Variants in HMGN5 observed in about 807,000 individuals in gnomAD.
The protein encoded by HMGN5 is high mobility group nucleosome binding domain 5, also known as high mobility group nucleosome-binding domain-containing protein 5.
In HMGN5, 4 loss-of-function variants were observed where a neutral mutation model predicts 9.5. That is an observed-to-expected ratio of 0.42 (90% CI 0.21 to 0.96). The LOEUF (loss-of-function observed/expected upper bound fraction) is 0.96, where lower values mean the gene tolerates loss of function less well. Ranked by LOEUF, HMGN5 falls within the 40% of genes least tolerant of loss-of-function variation. The pLI is 0.30. For synonymous variants in HMGN5, 55 were observed against 57.1 expected, an observed-to-expected ratio of 0.96 and a Z score of 0.16; for missense variants, 192 against 187.5, an observed-to-expected ratio of 1.02 and a Z score of -0.14.
intron 1 of HMGN5, among the ~76,000 whole-genome samples, chrX:81,183,960 G>T (rs2075470106): frequency 8.9e-6 from 1 of 111,873 alleles, no homozygotes; most frequent in Non-Finnish European, 1.9e-5. Context: ...TGTCTCAAAT[G>T]AGACTTTGAA....
chrX:81,165,676 T>C lies in HMGN5; in HGVS notation c.-124+36061A>G, dbSNP rs777207308. Among the ~76,000 whole-genome samples, 3 of 111,514 alleles carry C rather than the reference T, an allele frequency of 2.7e-5. No homozygotes were observed. The East Asian group carries it at 8.5e-4, about 32-fold the overall frequency. ...AGCTTGAGAAGGAAGATCAGGGTTATTGCCATGGTATAGTCTCTCTATGAA... is the reference window on the plus strand; with the variant it reads ...AGCTTGAGAAGGAAGATCAGGGTTACTGCCATGGTATAGTCTCTCTATGAA... On this transcript the variant is annotated intron_variant, in intron 1 of 6. Coordinates refer to ENST00000358130, the MANE Select transcript of HMGN5 (RefSeq NM_030763.3).
intron 1 of HMGN5, among the ~76,000 whole-genome samples, chrX:81,132,053 A>G (rs781275828): frequency 1.5e-4 from 17 of 111,582 alleles, no homozygotes; most frequent in Non-Finnish European, 1.9e-5. Context: ...AATCGCTAGC[A>G]TTATTATACA....
intron 1 of HMGN5, among the ~76,000 whole-genome samples, chrX:81,200,537 A>G (rs2075522989): frequency 8.9e-6 from 1 of 111,980 alleles, no homozygotes; most frequent in Admixed American, 9.4e-5. Context: ...ATAGAAAAGG[A>G]TGAGTTCATG....
At position 81,183,865 on chromosome X, in the gene HMGN5, A is replaced by G. The variant is rs193268471; in HGVS notation, c.-124+17872T>C. Among the ~76,000 whole-genome samples, 293 of 102,746 alleles carry G rather than the reference A, an allele frequency of 2.9e-3. 8 individuals are homozygous for G. In the Admixed American group the frequency reaches 0.03, roughly 11 times the overall value. The allele number at this position is 102,746 out of a possible 115,157, so 89.2% of individuals were successfully genotyped here. On this transcript the variant is annotated intron_variant, in intron 1 of 6. Coordinates refer to ENST00000358130, the MANE Select transcript of HMGN5 (RefSeq NM_030763.3). ...TCTCCCTTTTGAAACAGGAGTGCTT[A>G]TTAAATGCCTATATTGCTGTTGTAT...
At position 81,141,492 on chromosome X, in the gene HMGN5, A is replaced by AGAG. The variant is rs2075329775; in HGVS notation, c.-123-19821_-123-19820insCTC. Among the ~76,000 whole-genome samples, 3 of 47,783 alleles carry AGAG rather than the reference A, an allele frequency of 6.3e-5. No homozygotes were observed. The Admixed American group carries it at 6.7e-4, about 11-fold the overall frequency. The allele number at this position is 47,783 out of a possible 115,157, so 41.5% of individuals were successfully genotyped here. A position where few individuals can be genotyped will look rare whatever the true frequency, so the allele number is the denominator to read the frequency against. On this transcript the variant is annotated intron_variant, in intron 1 of 6. Transcript: ENST00000358130. ...AGAGAGAGAGAGAGAGAGAGAGAGA[A>AGAG]AGAGAGAGAGAGAGAGACTACTTTT...
chrX:81,165,279 G>A (rs1025773470), intron 1 of HMGN5, among the ~76,000 whole-genome samples: 1 of 110,120 alleles, frequency 9.1e-6, no homozygotes, highest in African/African-American at 3.3e-5. Context: ...TGACATCTCC[G>A]CTTGAATGAC....
chrX:81,148,253 A>C (rs1170583115), intron 1 of HMGN5, among the ~76,000 whole-genome samples: 2 of 112,126 alleles, frequency 1.8e-5, no homozygotes, highest in Non-Finnish European at 3.8e-5. Context: ...ACAGTAACAA[A>C]AACAGCATGG....
At chrX:81,175,987 C>A (rs937909551) in intron 1 of HMGN5, among the ~76,000 whole-genome samples, 16 of 111,900 alleles carry the variant, frequency 1.4e-4, no homozygotes, top group Middle Eastern at 4.2e-3. Flanking sequence ...GGGTCCCTGA[C>A]CCCTGTGTAG....
At chrX:81,171,464 C>A (rs1427696488) in intron 1 of HMGN5, among the ~76,000 whole-genome samples, 1 of 111,433 alleles carries the variant, frequency 9.0e-6, no homozygotes, top group Admixed American at 9.6e-5. Flanking sequence ...GAAATGTGTA[C>A]AGAAATGTGA....
chrX:81,118,536 A>G, intron 4 of HMGN5, 51 bp from the exon 5 acceptor site: 1 of 992,710 alleles, frequency 1.0e-6, no homozygotes, highest in East Asian at 3.1e-5. Flanking sequence ...TCATATTTGA[A>G]GAAAGAACGC....
intron 1 of HMGN5, among the ~76,000 whole-genome samples, chrX:81,177,145 C>G (rs1266190274): frequency 9.2e-6 from 1 of 108,986 alleles, no homozygotes; most frequent in Non-Finnish European, 1.9e-5. Flanking sequence ...ATTCAACATT[C>G]TTAAAGAACT....
At chrX:81,188,907 A>G (rs57645096) in intron 1 of HMGN5, among the ~76,000 whole-genome samples, 42 of 111,484 alleles carry the variant, frequency 3.8e-4, no homozygotes, top group African/African-American at 1.4e-3. Flanking sequence ...AGTAGTTTAC[A>G]CACCACAGTC....
At chrX:81,200,989 G>C (rs1465508718) in intron 1 of HMGN5, among the ~76,000 whole-genome samples, 1 of 111,123 alleles carries the variant, frequency 9.0e-6, no homozygotes, top group Admixed American at 9.6e-5. Flanking sequence ...CCCACCTCTT[G>C]AGGTTGTTTT....
chrX:81,145,087 C>A (rs1258504683), intron 1 of HMGN5, among the ~76,000 whole-genome samples: 1 of 111,913 alleles, frequency 8.9e-6, no homozygotes, highest in Admixed American at 9.5e-5. Context: ...AGGATATTAT[C>A]CGGGAGAACT....
intron 1 of HMGN5, among the ~76,000 whole-genome samples, chrX:81,130,680 C>T (rs1262646890): frequency 9.0e-6 from 1 of 110,559 alleles, no homozygotes; most frequent in Non-Finnish European, 1.9e-5. Context: ...GTGCCTCCAA[C>T]TGAGAAATAG....
intron 1 of HMGN5, among the ~76,000 whole-genome samples, chrX:81,171,401 A>C (rs946121833): frequency 9.0e-6 from 1 of 111,708 alleles, no homozygotes; most frequent in African/African-American, 3.2e-5. Flanking sequence ...TGAACTCTGA[A>C]TGTGTCAGGT....
chrX:81,135,020 CTT>C (rs2075307423), intron 1 of HMGN5, among the ~76,000 whole-genome samples: 1 of 111,237 alleles, frequency 9.0e-6, no homozygotes, highest in African/African-American at 3.3e-5. Flanking sequence ...CAATAAAACT[CTT>C]ATAATAAAAC....
chrX:81,163,214 T>C (rs2075402286), intron 1 of HMGN5, among the ~76,000 whole-genome samples: 2 of 111,979 alleles, frequency 1.8e-5, no homozygotes, highest in African/African-American at 6.5e-5. Flanking sequence ...CTGCCAGACA[T>C]GGAAGTGAGT....
chrX:81,114,752 G>A lies in HMGN5; in HGVS notation c.746C>T (p.Ala249Val), dbSNP rs186732408. The A allele has an allele frequency of 8.6e-4, 987 of 1,152,987 alleles. 26 individuals are homozygous for A. In the East Asian group the frequency reaches 0.031, roughly 36 times the overall value. ...KEDEGGNEEE[A>V]GKEKEDLKEE... ...TTTTAAATCTTCTTTCTCTTTTCCA[G>A]CTTCTTCCTCATTTCCACCTTCATC... The change falls in exon 7 of 7, where the codon GCT (alanine) becomes GTT (valine). Residue 249 changes from alanine to valine, a missense_variant. Physicochemically the swap from Ala to Val is moderately conservative, Grantham distance 64. Transcript: ENST00000358130.
Sources: gnomAD v4.1 joint callset for allele counts (sites outside exome capture counted in the v4.1 genomes callset) on GRCh38, gnomAD v4.1.1 for gene constraint, MANE v1.5 for transcripts, NCBI Gene and HGNC (gene_info 2026-07-23, HGNC 2026-07-21) for gene names.